SCGB1A1: variants seen among roughly 807,000 people sequenced by gnomAD.
SCGB1A1 encodes the protein secretoglobin family 1A member 1.
Under a neutral mutation model 7.5 loss-of-function variants are expected in SCGB1A1, and 8 were observed. That is an observed-to-expected ratio of 1.07 (90% CI 0.63 to 1.92). SCGB1A1 has a LOEUF of 1.92. Ranked by LOEUF, SCGB1A1 falls within the 30% of genes most tolerant of loss-of-function variation. The probability of loss-of-function intolerance (pLI) is 0.00; values close to 1 mark genes in which losing one functional copy is unlikely to be tolerated. For missense variants in SCGB1A1, 121 were observed against 112.7 expected (o/e 1.07, Z -0.33); for synonymous variants, 44 against 40.8 (o/e 1.08, Z -0.30).
rs1565187880 is a variant in SCGB1A1, at chr11:62,421,491, T to TTG, written c.56-730_56-729insTG. ...CTTTTCTTTTCTTCTTTTTCTTTTCTCTTGCTTGCTTGCTTGCTTGCTTGC... is the reference window on the plus strand; with the variant it reads ...CTTTTCTTTTCTTCTTTTTCTTTTCTTGCTTGCTTGCTTGCTTGCTTGCTTGC... On this transcript the variant is annotated intron_variant, in intron 1 of 2. Coordinates refer to ENST00000278282, the MANE Select transcript of SCGB1A1 (RefSeq NM_003357.5). 6.1e-3 allele frequency among the ~76,000 whole-genome samples: 907 copies of TTG among 148,712 alleles called. 5 individuals are homozygous for TTG. The highest frequency in any genetic ancestry group is 0.051 in the Middle Eastern group (15 of 294).
At chr11:62,419,261 G>A (rs1489706188) in intron 1 of SCGB1A1, 111 bp downstream of exon 1, 1 of 860,802 alleles carries the variant, frequency 1.2e-6, no homozygotes, top group African/African-American at 1.7e-5. Context: ...GAGCTGCTGG[G>A]AGGACCTGGG....
Position 62,419,070 on chromosome 11 carries a change from G to T in SCGB1A1, c.-26G>T. On this transcript the variant is annotated 5_prime_UTR_variant, in exon 1 of 3. Transcript: ENST00000278282. The stretch of plus-strand genomic sequence containing the variant: ...CAGACTCAGAGACGGAACCAGAGAC[G>T]GGCCAGAGCATCCCCCTCCTCCACC... The T allele has an allele frequency of 6.4e-7, 1 of 1,566,764 alleles. No individual in the cohort carries two copies. Among genetic ancestry groups the T allele is most frequent in the African/African-American group, 1.4e-5 (1 of 73,198 alleles).
At chr11:62,422,070 T>G in intron 1 of SCGB1A1, 151 bp from the exon 2 acceptor site, 1 of 543,664 alleles carries the variant, frequency 1.8e-6, no homozygotes, top group Non-Finnish European at 3.1e-6. Flanking sequence ...ACTCGGGCAA[T>G]CCACAAATCT....
At chr11:62,422,057 A>G (rs1590785044) in intron 1 of SCGB1A1, 164 bp from the exon 2 acceptor site, 1 of 505,278 alleles carries the variant, frequency 2.0e-6, no homozygotes, top group East Asian at 3.1e-5. Context: ...AAGTCTAAGG[A>G]AGACTCGGGC....
chr11:62,422,419 C>T lies in SCGB1A1; in HGVS notation c.243+11C>T, dbSNP rs1213741589. 3.8e-6 allele frequency: 6 copies of T among 1,598,372 alleles called. No homozygotes were observed. Among genetic ancestry groups the T allele is most frequent in the South Asian group, 2.2e-5 (2 of 89,926 alleles). On this transcript the variant is annotated intron_variant, in intron 2 of 2. Coordinates refer to ENST00000278282, the MANE Select transcript of SCGB1A1 (RefSeq NM_003357.5). ...ATCATTAAGCTCATGGTAACCAGCA[C>T]CTTTCACGTCACACTGGTTAGAAGT...
chr11:62,421,109 G>T (rs1260556642), intron 1 of SCGB1A1, among the ~76,000 whole-genome samples: 5 of 151,390 alleles, frequency 3.3e-5, no homozygotes, highest in African/African-American at 1.2e-4. Context: ...CTAAGTTCTG[G>T]AGAGGGTCTG....
At position 62,422,307 on chromosome 11, in the gene SCGB1A1, C is replaced by T; in HGVS notation, c.142C>T (p.Leu48Phe). 1 of 1,614,126 alleles carries T rather than the reference C, an allele frequency of 6.2e-7. No individual in the cohort carries two copies. Among genetic ancestry groups the T allele is most frequent in the Non-Finnish European group, 8.5e-7 (1 of 1,180,000 alleles). ...CTCCAGTTATGAGGCTGCCATGGAA[C>T]TTTTCAGCCCTGATCAAGACATGAG... Reference protein sequence around the residue: ...TPSSYEAAMELFSPDQDMREA... With the variant: ...TPSSYEAAMEFFSPDQDMREA... The change falls in exon 2 of 3, where the codon CTT (leucine) becomes TTT (phenylalanine). Residue 48 changes from leucine to phenylalanine, a missense_variant. By Grantham distance (22) the Leu-to-Phe change is conservative. Coordinates refer to ENST00000278282, the MANE Select transcript of SCGB1A1 (RefSeq NM_003357.5).
intron 1 of SCGB1A1, among the ~76,000 whole-genome samples, chr11:62,421,062 A>C (rs1184163556): frequency 6.6e-6 from 1 of 152,198 alleles, no homozygotes; most frequent in Non-Finnish European, 1.5e-5. Context: ...ACACAGAGTG[A>C]CTTGCCTGGT....
At chr11:62,422,156 G>A (rs1937811256) in intron 1 of SCGB1A1, 65 bp from the exon 2 acceptor site, 2 of 1,462,632 alleles carry the variant, frequency 1.4e-6, no homozygotes, top group African/African-American at 1.4e-5. Flanking sequence ...GGCAGACCCA[G>A]CCAGAGGGCT....
rs1369959591 is a variant in SCGB1A1 at position 62,423,149 on chromosome 11, T to A, written c.*58T>A. The A allele has an allele frequency of 1.9e-6, 3 of 1,547,924 alleles. No individual in the cohort carries two copies. In the Admixed American group the frequency reaches 5.0e-5, roughly 26 times the overall value. ...GCCTCTGCCGCTGCCATGCTTTGAG[T>A]CCACGCCCACCAGCCTTGCTCTCTT... On this transcript the variant is annotated 3_prime_UTR_variant, in exon 3 of 3. Transcript: ENST00000278282.
intron 1 of SCGB1A1, chr11:62,421,916 A>C (rs1937803671): frequency 5.1e-6 from 1 of 196,630 alleles, no homozygotes; most frequent in Non-Finnish European, 1.0e-5. Context: ...CTGGTGGGAA[A>C]TAAAACCCTC....
chr11:62,422,210 C>T lies in SCGB1A1; in HGVS notation c.56-11C>T, dbSNP rs1565188157. The T allele has an allele frequency of 6.3e-7, 1 of 1,599,266 alleles. No homozygotes were observed. Among genetic ancestry groups the T allele is most frequent in the Admixed American group, 1.7e-5 (1 of 59,434 alleles). Reference sequence around the variant, plus strand: ...CCTGGAGACATGTGCCTTCTCTCCTCTGTGTTGCAGCTTCTGCAGAGATCT... The same window carrying T: ...CCTGGAGACATGTGCCTTCTCTCCTTTGTGTTGCAGCTTCTGCAGAGATCT... On this transcript the variant is annotated splice_polypyrimidine_tract_variant and intron_variant, in intron 1 of 2. Transcript: ENST00000278282.
chr11:62,422,154 C>G, intron 1 of SCGB1A1, 67 bp from the exon 2 acceptor site: 7 of 1,445,228 alleles, frequency 4.8e-6, no homozygotes, highest in Non-Finnish European at 6.6e-6. Flanking sequence ...TGGGCAGACC[C>G]AGCCAGAGGG....
In SCGB1A1 at chr11:62,423,143, T is replaced by C; in HGVS notation, c.*52T>C. Reference sequence around the variant, plus strand: ...GCTCCAGCCTCTGCCGCTGCCATGCTTTGAGTCCACGCCCACCAGCCTTGC... The same window carrying C: ...GCTCCAGCCTCTGCCGCTGCCATGCCTTGAGTCCACGCCCACCAGCCTTGC... On this transcript the variant is annotated 3_prime_UTR_variant, in exon 3 of 3. Transcript: ENST00000278282. 1 of 1,567,492 alleles carries C rather than the reference T, an allele frequency of 6.4e-7. No individual in the cohort carries two copies. The highest frequency in any genetic ancestry group is 8.8e-7 in the Non-Finnish European group (1 of 1,137,750).
intron 1 of SCGB1A1, 184 bp from the exon 2 acceptor site, chr11:62,422,034 ACCT>A: frequency 4.6e-6 from 2 of 437,696 alleles, no homozygotes; most frequent in South Asian, 7.1e-5. Context: ...CACCTTGCTC[ACCT>A]CAACCCAAGA....
chr11:62,422,140 C>A, intron 1 of SCGB1A1, 81 bp from the exon 2 acceptor site: 2 of 1,219,584 alleles, frequency 1.6e-6, no homozygotes, highest in Non-Finnish European at 1.1e-6. Flanking sequence ...TGGCTGTTTG[C>A]ATCTGGGCAG....
rs372738681 is a variant in SCGB1A1, at chr11:62,422,381, G to A, written c.216G>A (p.Lys72=). 17 of 1,613,660 alleles carry A rather than the reference G, an allele frequency of 1.1e-5. 1 individual carries two copies. The African/African-American group carries it at 2.1e-4, about 20-fold the overall frequency. ...AGCTGGTGGACACCCTCCCCCAAAAGCCCAGAGAAAGCATCATTAAGCTCA... is the reference window on the plus strand; with the variant it reads ...AGCTGGTGGACACCCTCCCCCAAAAACCCAGAGAAAGCATCATTAAGCTCA... ...LKKLVDTLPQ[K]PRESIIKLME... Residue 72 remains lysine, a synonymous_variant, in exon 2 of 3, where the codon AAG becomes AAA. Coordinates refer to ENST00000278282, the MANE Select transcript of SCGB1A1 (RefSeq NM_003357.5).
chr11:62,419,530 A>G (rs1030427063), intron 1 of SCGB1A1, among the ~76,000 whole-genome samples: 1 of 152,158 alleles, frequency 6.6e-6, no homozygotes, highest in South Asian at 2.1e-4. Flanking sequence ...GCAGCCTCCA[A>G]GTCTGGGGTC....
intron 1 of SCGB1A1, among the ~76,000 whole-genome samples, chr11:62,419,617 A>C (rs1483520125): frequency 4.6e-5 from 7 of 152,186 alleles, no homozygotes; most frequent in Admixed American, 2.6e-4. Flanking sequence ...ACCCAACCCA[A>C]GACAAGGTCT....
Sources: gnomAD v4.1 joint callset for allele counts (sites outside exome capture counted in the v4.1 genomes callset) on GRCh38, gnomAD v4.1.1 for gene constraint, MANE v1.5 for transcripts, NCBI Gene and HGNC (gene_info 2026-07-23, HGNC 2026-07-21) for gene names.